The following WIPF1 variants were observed in gnomAD, a reference collection of about 807,000 sequenced individuals.
WIPF1 encodes WAS/WASL-interacting protein family member 1.
Under a neutral mutation model 35.4 loss-of-function variants are expected in WIPF1, and 13 were observed. The ratio of observed to expected loss-of-function variants is 0.37; its 90% CI spans 0.24 to 0.58. The LOEUF (loss-of-function observed/expected upper bound fraction) is 0.58. Ranked by LOEUF, WIPF1 falls within the 20% of genes least tolerant of loss-of-function variation. The pLI is 0.74. For synonymous variants in WIPF1, 267 were observed against 266.3 expected, an observed-to-expected ratio of 1.00 and a Z score of -0.02; for missense variants, 591 against 667.0, an observed-to-expected ratio of 0.89 and a Z score of 1.25.
intron 1 of WIPF1, chr2:174,677,187 C>T (rs1688153053): frequency 2.0e-5 from 3 of 151,894 alleles, no homozygotes; most frequent in Admixed American, 2.0e-4. Context: ...CATCACTTAT[C>T]GTAAAGGACC....
intron 7 of WIPF1, among the ~76,000 whole-genome samples, chr2:174,564,458 G>GA (rs1340706968): frequency 6.6e-6 from 1 of 152,080 alleles, no homozygotes; most frequent in Non-Finnish European, 1.5e-5. Flanking sequence ...GTCTCTATAA[G>GA]AAAATTTTTA....
intron 1 of WIPF1, among the ~76,000 whole-genome samples, chr2:174,626,159 CATTTT>C (rs1686826013): frequency 6.6e-6 from 1 of 152,140 alleles, no homozygotes; most frequent in African/African-American, 2.4e-5. Flanking sequence ...TGCTTTTGCT[CATTTT>C]GTTTAAAAAA....
chr2:174,636,255 C>T (rs1206634052), intron 1 of WIPF1, among the ~76,000 whole-genome samples: 1 of 152,098 alleles, frequency 6.6e-6, no homozygotes. Flanking sequence ...CTGCTTAAGC[C>T]GTGTTCTGTG....
In WIPF1 at chr2:174,562,082, G is replaced by T; in HGVS notation, c.*465C>A. On this transcript the variant is annotated 3_prime_UTR_variant, in exon 8 of 8. Transcript: ENST00000679041. The stretch of plus-strand genomic sequence containing the variant: ...GCCAAAGATTGGACATCCTGTGACT[G>T]CAAGTTTCCAGTGAGCCCTTACTCA... 1 of 1,550,626 alleles carries T rather than the reference G, an allele frequency of 6.4e-7. No homozygotes were observed. The highest frequency in any genetic ancestry group is 1.2e-5 in the South Asian group (1 of 84,060).
At position 174,567,056 on chromosome 2, in the gene WIPF1, G is replaced by A; in HGVS notation, c.1456+14C>T. 1 of 1,612,804 alleles carries A rather than the reference G, an allele frequency of 6.2e-7. No homozygotes were observed. The highest frequency in any genetic ancestry group is 1.6e-4 in the Middle Eastern group (1 of 6,062). On this transcript the variant is annotated intron_variant, in intron 7 of 7. Coordinates refer to ENST00000679041, the MANE Select transcript of WIPF1 (RefSeq NM_001375834.1). ...CAAGCGTGAATCTTCAAAAACCTTG[G>A]CAGAAATACTCACTCCGGCTTTCGT...
intron 5 of WIPF1, among the ~76,000 whole-genome samples, chr2:174,568,379 C>A (rs187797089): frequency 1.3e-5 from 2 of 151,938 alleles, no homozygotes; most frequent in Non-Finnish European, 2.9e-5. Context: ...CACGGACAAC[C>A]GTATATTTAA....
intron 1 of WIPF1, among the ~76,000 whole-genome samples, chr2:174,628,897 A>G (rs1686928610): frequency 6.6e-6 from 1 of 152,152 alleles, no homozygotes; most frequent in Admixed American, 6.5e-5. Flanking sequence ...TTTTTTTCCT[A>G]CCTCTTTAAG....
chr2:174,634,926 C>T (rs1332865382), intron 1 of WIPF1, among the ~76,000 whole-genome samples: 1 of 152,168 alleles, frequency 6.6e-6, no homozygotes, highest in East Asian at 1.9e-4. Context: ...ACAGAGGAGC[C>T]TGGGGCTTGG....
intron 1 of WIPF1, among the ~76,000 whole-genome samples, chr2:174,656,648 C>T (rs1033466902): frequency 1.8e-4 from 28 of 152,224 alleles, no homozygotes; most frequent in Non-Finnish European, 3.7e-4. Flanking sequence ...GATGTGAACA[C>T]TAACACACAA....
intron 1 of WIPF1, among the ~76,000 whole-genome samples, chr2:174,675,447 C>T (rs760723436): frequency 1.3e-5 from 2 of 151,870 alleles, no homozygotes; most frequent in Non-Finnish European, 2.9e-5. Context: ...ACCTTAAACT[C>T]CTGGGCTCAA....
chr2:174,590,448 A>G lies in WIPF1; in HGVS notation c.-38-4837T>C, dbSNP rs1311375034. Among the ~76,000 whole-genome samples, 2 of 152,202 alleles carry G rather than the reference A, an allele frequency of 1.3e-5. No homozygotes were observed. Among genetic ancestry groups the G allele is most frequent in the Non-Finnish European group, 2.9e-5 (2 of 68,026 alleles). ...AGTCTGAGGGGCCACAGCTTTGCTC[A>G]GTGGCTGTGGGTGGATCTGCCTGGG... is the stretch of plus-strand genomic sequence containing the variant. On this transcript the variant is annotated intron_variant, in intron 1 of 7. Transcript: ENST00000679041. The surrounding 1 kb of genome is among the most constrained non-coding windows in gnomAD (Gnocchi z 4.6).
At chr2:174,574,640 T>C (rs528378438) in intron 4 of WIPF1, 1 of 442,028 alleles carries the variant, frequency 2.3e-6, no homozygotes, top group African/African-American at 2.0e-5. Flanking sequence ...TTTTCTACCA[T>C]CAGGTTCATA....
At chr2:174,584,116 T>C (rs545973695) in intron 2 of WIPF1, among the ~76,000 whole-genome samples, 1 of 152,298 alleles carries the variant, frequency 6.6e-6, no homozygotes, top group South Asian at 2.1e-4. Flanking sequence ...TGAAAAATAT[T>C]TTCATCAGGA....
In WIPF1 at chr2:174,593,069, GA is replaced by G. The variant is rs569571636; in HGVS notation, c.-39+4531del. 3.5e-4 allele frequency among the ~76,000 whole-genome samples: 51 copies of G among 144,164 alleles called. No homozygotes were observed. The South Asian group carries it at 3.9e-3, about 11-fold the overall frequency. 94.6% of individuals were successfully genotyped at this position (144,164 alleles called of 152,430 possible). A position where few individuals can be genotyped will look rare whatever the true frequency, so the allele number is the denominator to read the frequency against. On this transcript the variant is annotated intron_variant, in intron 1 of 7. Transcript: ENST00000679041. ...AGAGAATACAAAAATATACAAAGAT[GA>G]AAAAAAAAAGCACTGAAGTTGTATT...
At chr2:174,595,101 AAAAAAAAAAT>A (rs1685755013) in intron 1 of WIPF1, among the ~76,000 whole-genome samples, 2 of 41,970 alleles carry the variant, frequency 4.8e-5, no homozygotes, top group South Asian at 2.0e-3. Flanking sequence ...AAAAAAAAAA[AAAAAAAAAAT>A]ATATATATAT....
chr2:174,629,734 T>C (rs1686957983), intron 1 of WIPF1: 1 of 152,276 alleles, frequency 6.6e-6, no homozygotes, highest in Non-Finnish European at 1.5e-5. Flanking sequence ...CAGCCCTCCA[T>C]CTAGCCTTCC....
chr2:174,642,461 C>G (rs1376290347), intron 1 of WIPF1, among the ~76,000 whole-genome samples: 3 of 150,750 alleles, frequency 2.0e-5, no homozygotes, highest in Admixed American at 6.6e-5. Flanking sequence ...ATTCTCCTGC[C>G]TCAGCCTCCC....
In WIPF1 at chr2:174,571,575, T is replaced by C. The variant is rs752953460; in HGVS notation, c.1129+101A>G. The C allele has an allele frequency of 1.3e-6, 2 of 1,528,144 alleles. No homozygotes were observed. Among genetic ancestry groups the C allele is most frequent in the African/African-American group, 1.4e-5 (1 of 73,234 alleles). The allele number at this position is 1,528,144 out of a possible 1,614,324, so 94.7% of individuals were successfully genotyped here. A position where few individuals can be genotyped will look rare whatever the true frequency, so the allele number is the denominator to read the frequency against. ...TTAAAAGCACAAAGCAGTCTGAGTT[T>C]ACTTATGCCTGCTTTTGTTAGACTA... On this transcript the variant is annotated intron_variant, in intron 5 of 7. Coordinates refer to ENST00000679041, the MANE Select transcript of WIPF1 (RefSeq NM_001375834.1). This position sits in a 1 kb window ranked among gnomAD's most constrained non-coding sequence, Gnocchi z 4.6.
intron 1 of WIPF1, 110 bp from the exon 2 acceptor site, chr2:174,585,721 A>T (rs1685395002): frequency 2.6e-6 from 2 of 762,686 alleles, no homozygotes; most frequent in Non-Finnish European, 4.4e-6. Context: ...CAACTCTTAG[A>T]AGAGATGGGC....
Sources: allele counts gnomAD v4.1 joint callset (sites outside exome capture counted in the v4.1 genomes callset), GRCh38; gene constraint gnomAD v4.1.1; non-coding constraint Gnocchi (gnomAD v3.1); transcripts MANE v1.5; gene names NCBI Gene and HGNC (gene_info 2026-07-23, HGNC 2026-07-21).